Variants in BBX observed in about 807,000 individuals in gnomAD.
The protein encoded by BBX is BBX high mobility group box domain containing.
BBX carries 30 observed loss-of-function variants against 100.2 expected under a neutral mutation model. That is an observed-to-expected ratio of 0.30 (90% CI 0.22 to 0.41). The LOEUF (loss-of-function observed/expected upper bound fraction) is 0.41, where lower values mean the gene tolerates loss of function less well. BBX is among the 10% of genes least tolerant of loss of function. BBX has a pLI of 1.00. For synonymous variants in BBX, 376 were observed against 388.1 expected, an observed-to-expected ratio of 0.97 and a Z score of 0.37; for missense variants, 1,023 against 1,129.8, an observed-to-expected ratio of 0.91 and a Z score of 1.35.
chr3:107,593,964 G>A (rs2053508843), intron 2 of BBX, among the ~76,000 whole-genome samples: 1 of 152,170 alleles, frequency 6.6e-6, no homozygotes, highest in African/African-American at 2.4e-5. Context: ...AGTTGAGAGG[G>A]AGGTTTTGCT....
chr3:107,605,392 G>A (rs1305143094), intron 2 of BBX, among the ~76,000 whole-genome samples: 1 of 151,196 alleles, frequency 6.6e-6, no homozygotes, highest in Admixed American at 6.6e-5. Context: ...TTTTTGGGGG[G>A]GGGATTTAAT....
chr3:107,789,544 G>A (rs2068771559), intron 13 of BBX, among the ~76,000 whole-genome samples: 1 of 152,158 alleles, frequency 6.6e-6, no homozygotes, highest in East Asian at 1.9e-4. Context: ...TTTCTGCTTA[G>A]GGAGTCCCAG....
chr3:107,750,409 C>G (rs1414077528), intron 9 of BBX, among the ~76,000 whole-genome samples: 2 of 152,108 alleles, frequency 1.3e-5, no homozygotes, highest in African/African-American at 2.4e-5. Flanking sequence ...ATATTATTTT[C>G]TGTTTTGCCC....
At chr3:107,624,279 C>G (rs2056000507) in intron 2 of BBX, among the ~76,000 whole-genome samples, 1 of 152,192 alleles carries the variant, frequency 6.6e-6, no homozygotes, top group African/African-American at 2.4e-5. Flanking sequence ...TTACATAAAA[C>G]AAGGCATTTA....
At chr3:107,657,640 T>C (rs1212436477) in intron 3 of BBX, among the ~76,000 whole-genome samples, 1 of 152,084 alleles carries the variant, frequency 6.6e-6, no homozygotes, top group African/African-American at 2.4e-5. Flanking sequence ...AGTGCTAATA[T>C]TGCCATCAGA....
chr3:107,751,646 A>G (rs2107651098), intron 9 of BBX, among the ~76,000 whole-genome samples: 1 of 152,348 alleles, frequency 6.6e-6, no homozygotes, highest in Non-Finnish European at 1.5e-5. Flanking sequence ...ATGTGGAGCC[A>G]TGAAACTGAA....
intron 5 of BBX, among the ~76,000 whole-genome samples, chr3:107,724,447 A>G (rs1308411123): frequency 6.6e-6 from 1 of 151,896 alleles, no homozygotes; most frequent in African/African-American, 2.4e-5. Flanking sequence ...TTTTGTTGCC[A>G]TTGCTTTTGG....
chr3:107,733,627 C>T (rs56170118), intron 7 of BBX, among the ~76,000 whole-genome samples: 31,275 of 151,966 alleles, frequency 0.21, 5,178 homozygotes, highest in African/African-American at 0.46. Context: ...CAGGCATGTG[C>T]CCCCAAGCCC....
intron 2 of BBX, among the ~76,000 whole-genome samples, chr3:107,532,915 T>C (rs1038476435): frequency 3.3e-5 from 5 of 152,180 alleles, no homozygotes; most frequent in Non-Finnish European, 2.9e-5. Context: ...CTCAGTACTT[T>C]GATGTAGTAG....
At chr3:107,769,965 C>A (rs777261503) in intron 10 of BBX, among the ~76,000 whole-genome samples, 7 of 152,174 alleles carry the variant, frequency 4.6e-5, no homozygotes, top group Non-Finnish European at 1.0e-4. Flanking sequence ...TATAGTTTCA[C>A]TTCCAGCAAT....
At chr3:107,766,562 G>A (rs942154109) in intron 10 of BBX, among the ~76,000 whole-genome samples, 4 of 151,948 alleles carry the variant, frequency 2.6e-5, no homozygotes, top group African/African-American at 7.3e-5. Context: ...GGAGTGGGGG[G>A]CAAGGAAAAT....
chr3:107,783,884 C>T (rs966257385), intron 13 of BBX, among the ~76,000 whole-genome samples: 4 of 151,934 alleles, frequency 2.6e-5, no homozygotes, highest in African/African-American at 9.7e-5. Flanking sequence ...TTCAAACCAC[C>T]GCTAGTCAAT....
At chr3:107,791,208 A>T in intron 14 of BBX, 32 bp from the exon 15 acceptor site, 1 of 1,594,302 alleles carries the variant, frequency 6.3e-7, no homozygotes, top group African/African-American at 1.3e-5. Context: ...GTAGAGTTTC[A>T]CTTTTCTTTC....
intron 6 of BBX, 90 bp downstream of exon 6, chr3:107,729,050 A>C: frequency 7.5e-7 from 1 of 1,327,198 alleles, no homozygotes; most frequent in Non-Finnish European, 1.0e-6. Context: ...CGGGGGGACA[A>C]AATTTATAAC....
At chr3:107,754,390 A>G (rs1442789558) in intron 9 of BBX, among the ~76,000 whole-genome samples, 3 of 152,190 alleles carry the variant, frequency 2.0e-5, no homozygotes, top group Admixed American at 6.5e-5. Flanking sequence ...GAGCCCCATA[A>G]ATGTATCTTC....
chr3:107,673,820 A>G (rs1395886891), intron 3 of BBX, among the ~76,000 whole-genome samples: 5 of 152,220 alleles, frequency 3.3e-5, no homozygotes, highest in African/African-American at 1.2e-4. Flanking sequence ...CACTTGTTAG[A>G]AATACATTTC....
intron 15 of BBX, among the ~76,000 whole-genome samples, chr3:107,794,543 G>A (rs1320529216): frequency 6.6e-6 from 1 of 152,070 alleles, no homozygotes; most frequent in East Asian, 1.9e-4. Flanking sequence ...TTTATAGTTA[G>A]ATTTTCACAC....
At chr3:107,780,740 G>C (rs1203210329) in intron 13 of BBX, among the ~76,000 whole-genome samples, 1 of 151,874 alleles carries the variant, frequency 6.6e-6, no homozygotes, top group Non-Finnish European at 1.5e-5. Context: ...TTGTAATTTG[G>C]CATTAGCAGC....
Position 107,780,042 on chromosome 3 carries a change from A to T in BBX, c.2203+1523A>T, listed in dbSNP as rs752405865. On this transcript the variant is annotated intron_variant, in intron 13 of 17. Transcript: ENST00000325805. ...GAAAATAAAATAGGGTCGTATCAAG[A>T]TCTTCCAAGATAGAAATAAAGTAGG... is the stretch of plus-strand genomic sequence containing the variant. 1.2e-4 allele frequency among the ~76,000 whole-genome samples: 19 copies of T among 152,280 alleles called. No homozygotes were observed. In the Middle Eastern group the frequency reaches 0.01, roughly 82 times the overall value.
Sources: gnomAD v4.1 joint callset for allele counts (sites outside exome capture counted in the v4.1 genomes callset) on GRCh38, gnomAD v4.1.1 for gene constraint, MANE v1.5 for transcripts, NCBI Gene and HGNC (gene_info 2026-07-23, HGNC 2026-07-21) for gene names.